Variants in PLET1 observed in about 807,000 individuals in gnomAD.
PLET1 encodes placenta-expressed transcript 1 protein.
Under a neutral mutation model 18.5 loss-of-function variants are expected in PLET1, and 20 were observed. That is an observed-to-expected ratio of 1.08 (90% confidence interval 0.76 to 1.57). The LOEUF is 1.57. Ranked by LOEUF, PLET1 falls within the 40% of genes most tolerant of loss-of-function variation. The probability of loss-of-function intolerance (pLI) is 0.00; values close to 1 mark genes in which losing one functional copy is unlikely to be tolerated. For missense variants in PLET1, 256 were observed against 246.4 expected (o/e 1.04, Z -0.26); for synonymous variants, 93 against 93.8 (o/e 0.99, Z 0.05).
Position 112,260,466 on chromosome 11 carries a change from T to C in PLET1, c.124A>G (p.Thr42Ala), listed in dbSNP as rs767127681. The C allele has an allele frequency of 1.9e-6, 3 of 1,551,832 alleles. No individual in the cohort carries two copies. The South Asian group carries it at 3.6e-5, about 18-fold the overall frequency. ...CTGGCCTTGATGTCTAGGGTTATGG[T>C]GTAGTATTCATCAAAGGTGAAGCAG... Reference protein sequence around the residue: ...STCFTFDEYYTITLDIKASSH... With the variant: ...STCFTFDEYYAITLDIKASSH... Residue 42 changes from threonine to alanine, a missense_variant, in exon 1 of 4, where the codon ACC (threonine) becomes GCC (alanine). Thr to Ala is a moderately conservative substitution (Grantham distance 58, BLOSUM62 0). Coordinates refer to ENST00000338832, the MANE Select transcript of PLET1 (RefSeq NM_001145024.1).
intron 1 of PLET1, among the ~76,000 whole-genome samples, chr11:112,257,762 C>G (rs1257960520): frequency 6.6e-6 from 1 of 152,162 alleles, no homozygotes; most frequent in Non-Finnish European, 1.5e-5. Context: ...ACCTGCCAAG[C>G]CACTTATACA....
rs1034193259 is a variant in PLET1, at chr11:112,260,388, A to G, written c.184+18T>C. 3 of 1,544,742 alleles carry G rather than the reference A, an allele frequency of 1.9e-6. No homozygotes were observed. Among genetic ancestry groups the G allele is most frequent in the Non-Finnish European group, 2.6e-6 (3 of 1,141,678 alleles). On this transcript the variant is annotated intron_variant, in intron 1 of 3. Transcript: ENST00000338832. ...CCTCAGGGAACAAAGGACAGCAGAG[A>G]GCATGGCTTCTACTCACCAGAATAG...
chr11:112,257,424 T>C (rs1012092511), intron 1 of PLET1, among the ~76,000 whole-genome samples: 2 of 152,150 alleles, frequency 1.3e-5, no homozygotes, highest in African/African-American at 4.8e-5. Flanking sequence ...CTTTGTGCTT[T>C]GTGCTATGTG....
At chr11:112,250,032 GTCT>G (rs1860138490) in intron 3 of PLET1, among the ~76,000 whole-genome samples, 1 of 150,358 alleles carries the variant, frequency 6.7e-6, no homozygotes, top group Non-Finnish European at 1.5e-5. Flanking sequence ...GGCCTGTGGA[GTCT>G]TCTTCCCGCC....
At chr11:112,257,065 C>A (rs1860231687) in intron 1 of PLET1, among the ~76,000 whole-genome samples, 1 of 152,236 alleles carries the variant, frequency 6.6e-6, no homozygotes, top group Non-Finnish European at 1.5e-5. Context: ...TCAAAGGGTC[C>A]TTCTTTCTAG....
intron 1 of PLET1, 89 bp downstream of exon 1, chr11:112,260,317 T>C (rs1860273613): frequency 3.2e-6 from 4 of 1,245,902 alleles, no homozygotes; most frequent in Non-Finnish European, 4.4e-6. Context: ...TTTGTATAAT[T>C]GAGAGTAGCG....
At chr11:112,259,981 T>C (rs967995245) in intron 1 of PLET1, among the ~76,000 whole-genome samples, 3 of 152,196 alleles carry the variant, frequency 2.0e-5, no homozygotes. Flanking sequence ...GAGGTTGCAG[T>C]GAGCTGAAAT....
chr11:112,252,261 C>G, intron 3 of PLET1, 87 bp downstream of exon 3: 1 of 1,193,504 alleles, frequency 8.4e-7, no homozygotes, highest in Non-Finnish European at 1.2e-6. Context: ...GGTAAGAAGA[C>G]CCTCTTTTCT....
chr11:112,258,281 C>CTTTTTTTTTTTT (rs35254168), intron 1 of PLET1, among the ~76,000 whole-genome samples: 1 of 97,694 alleles, frequency 1.0e-5, no homozygotes, highest in Non-Finnish European at 2.1e-5. Flanking sequence ...TTCTTTCTTT[C>CTTTTTTTTTTTT]TTTTTTTTTT....
At chr11:112,249,004 A>C (rs1035333983) in intron 3 of PLET1, 30 bp from the exon 4 acceptor site, 2 of 1,543,938 alleles carry the variant, frequency 1.3e-6, no homozygotes, top group East Asian at 2.5e-5. Flanking sequence ...TGCGGTTGGC[A>C]CTGGAAAATG....
At chr11:112,249,588 G>A (rs916455132) in intron 3 of PLET1, among the ~76,000 whole-genome samples, 1 of 152,160 alleles carries the variant, frequency 6.6e-6, no homozygotes, top group Non-Finnish European at 1.5e-5. Flanking sequence ...TAGGCCCATA[G>A]TCCTGAGGGG....
At chr11:112,249,043 G>T in intron 3 of PLET1, 69 bp from the exon 4 acceptor site, 2 of 1,392,658 alleles carry the variant, frequency 1.4e-6, no homozygotes, top group Non-Finnish European at 2.0e-6. Flanking sequence ...GGTGGTGGGT[G>T]GGCACTCGAG....
chr11:112,248,833 A>C lies in PLET1; in HGVS notation c.590T>G (p.Leu197Arg). The C allele has an allele frequency of 6.4e-7, 1 of 1,551,652 alleles. No homozygotes were observed. Among genetic ancestry groups the C allele is most frequent in the Non-Finnish European group, 8.7e-7 (1 of 1,146,988 alleles). ...AAGTGTGCTGGTGAGAAAAGCAAGCAGGATATAAATGGCCTCTGTGATGGG... is the reference window on the plus strand; with the variant it reads ...AAGTGTGCTGGTGAGAAAAGCAAGCCGGATATAAATGGCCTCTGTGATGGG... ...SSPITEAIYI[L>R]LAFLTSTLLF is the part of the protein sequence containing the mutation. Residue 197 changes from leucine (L) to arginine (R), a missense_variant, in exon 4 of 4, where the codon CTG (leucine) becomes CGG (arginine). Physicochemically the swap from Leu to Arg is moderately radical, Grantham distance 102. Transcript: ENST00000338832.
At chr11:112,249,747 AG>A (rs1235554251) in intron 3 of PLET1, among the ~76,000 whole-genome samples, 1 of 152,062 alleles carries the variant, frequency 6.6e-6, no homozygotes, top group East Asian at 1.9e-4. Context: ...ACTTGAGGTC[AG>A]GGGTTCGAGA....
intron 3 of PLET1, among the ~76,000 whole-genome samples, chr11:112,251,794 G>C (rs1046787549): frequency 9.4e-5 from 14 of 148,494 alleles, no homozygotes; most frequent in African/African-American, 3.4e-4. Context: ...GGAACCTCAG[G>C]GAGGTGCGAA....
chr11:112,249,083 GC>G, intron 3 of PLET1, 109 bp from the exon 4 acceptor site: 2 of 1,021,194 alleles, frequency 2.0e-6, no homozygotes, highest in Non-Finnish European at 2.8e-6. Context: ...GAATGCTAGA[GC>G]CAGATTCATG....
chr11:112,251,807 T>C (rs1354743068), intron 3 of PLET1, among the ~76,000 whole-genome samples: 5 of 120,384 alleles, frequency 4.2e-5, no homozygotes, highest in Non-Finnish European at 7.5e-5. Flanking sequence ...GGTGCGAAGC[T>C]GGGGGCGACA....
In PLET1 at chr11:112,260,512, G is replaced by C; in HGVS notation, c.78C>G (p.Thr26=). The part of the protein sequence containing the change: ...LCLSLQLSSA[T]FIRYSSTCFT... ...AGCAGGTGCTACTGTACCTTATAAA[G>C]GTGGCAGAAGAAAGCTGCAGACTGA... is the stretch of plus-strand genomic sequence containing the variant. The change falls in exon 1 of 4, where the codon ACC becomes ACG. Residue 26 remains threonine (T), a synonymous_variant. Coordinates refer to ENST00000338832, the MANE Select transcript of PLET1 (RefSeq NM_001145024.1). 2 of 1,551,684 alleles carry C rather than the reference G, an allele frequency of 1.3e-6. No individual in the cohort carries two copies. The highest frequency in any genetic ancestry group is 1.4e-5 in the African/African-American group (1 of 73,166).
At position 112,248,639 on chromosome 11, in the gene PLET1, T is replaced by A; in HGVS notation, c.*160A>T. ...TATGTGACCCAAGCCTGCCAATGAG[T>A]GCCTCCAGATCTTTGTTTTGGTCTG... On this transcript the variant is annotated 3_prime_UTR_variant, in exon 4 of 4. Transcript: ENST00000338832. 1.4e-6 allele frequency: 1 copy of A among 721,668 alleles called. No individual in the cohort carries two copies. The highest frequency in any genetic ancestry group is 1.9e-5 in the South Asian group (1 of 52,522). The allele number at this position is 721,668 out of a possible 1,614,324, so 44.7% of individuals were successfully genotyped here. A position where few individuals can be genotyped will look rare whatever the true frequency, so the allele number is the denominator to read the frequency against.
Sources: gnomAD v4.1 joint callset for allele counts (sites outside exome capture counted in the v4.1 genomes callset) on GRCh38, gnomAD v4.1.1 for gene constraint, MANE v1.5 for transcripts, NCBI Gene and HGNC (gene_info 2026-07-23, HGNC 2026-07-21) for gene names.